Variants in BMP6 observed in about 807,000 individuals in gnomAD.
BMP6 encodes bone morphogenetic protein 6.
In BMP6, 17 loss-of-function variants were observed where a neutral mutation model predicts 54.1. The observed-to-expected ratio is 0.31, with a 90% CI of 0.22 to 0.47. The LOEUF (loss-of-function observed/expected upper bound fraction) is 0.47, where lower values mean the gene tolerates loss of function less well. Ranked by LOEUF, BMP6 falls within the 20% of genes least tolerant of loss-of-function variation. The probability of loss-of-function intolerance (pLI) is 1.00; values close to 1 mark genes in which losing one functional copy is unlikely to be tolerated. For synonymous variants in BMP6, 328 were observed against 291.2 expected, an observed-to-expected ratio of 1.13 and a Z score of -1.28; for missense variants, 720 against 690.4, an observed-to-expected ratio of 1.04 and a Z score of -0.48.
chr6:7,763,272 C>A (rs270375), intron 1 of BMP6, among the ~76,000 whole-genome samples: 2 of 151,906 alleles, frequency 1.3e-5, no homozygotes, highest in African/African-American at 4.8e-5. Flanking sequence ...GCACAACATA[C>A]CCCTTTACTT....
At position 7,787,404 on chromosome 6, in the gene BMP6, T is replaced by A. The variant is rs1488172320; in HGVS notation, c.665-57736T>A. Among the ~76,000 whole-genome samples, 5 of 152,224 alleles carry A rather than the reference T, an allele frequency of 3.3e-5. No individual in the cohort carries two copies. In the East Asian group the frequency reaches 9.6e-4, roughly 29 times the overall value. On this transcript the variant is annotated intron_variant, in intron 1 of 6. Transcript: ENST00000283147. ...TGAAAACAATCCTTAAAGGCGTGTT[T>A]GGCCAGCTCTCAAAAATCTTAGACA...
chr6:7,774,703 C>T (rs998528217), intron 1 of BMP6, among the ~76,000 whole-genome samples: 15 of 151,940 alleles, frequency 9.9e-5, no homozygotes, highest in Non-Finnish European at 7.4e-5. Flanking sequence ...AGTGAGACTC[C>T]GTCAAAAAAA....
intron 1 of BMP6, among the ~76,000 whole-genome samples, chr6:7,764,834 A>G (rs1247157253): frequency 1.3e-5 from 2 of 152,176 alleles, no homozygotes; most frequent in Non-Finnish European, 2.9e-5. Context: ...TAGCTGATGC[A>G]GGACGAGGCC....
At chr6:7,855,547 C>CTT (rs1759212513) in intron 2 of BMP6, among the ~76,000 whole-genome samples, 1 of 114,216 alleles carries the variant, frequency 8.8e-6, no homozygotes, top group Non-Finnish European at 1.8e-5. Flanking sequence ...ATCTCTCTCT[C>CTT]TCTCTCTTTT....
intron 4 of BMP6, among the ~76,000 whole-genome samples, chr6:7,870,844 G>T (rs928464863): frequency 1.3e-5 from 2 of 152,194 alleles, no homozygotes; most frequent in Admixed American, 6.5e-5. Flanking sequence ...GGTCAGGCTG[G>T]TCTCAAACTC....
intron 1 of BMP6, among the ~76,000 whole-genome samples, chr6:7,772,378 C>T (rs1316547039): frequency 6.6e-6 from 1 of 152,150 alleles, no homozygotes; most frequent in Non-Finnish European, 1.5e-5. Flanking sequence ...CTTAAAGGCC[C>T]ACGGCCCAAT....
At chr6:7,875,402 A>G (rs1237088) in intron 4 of BMP6, among the ~76,000 whole-genome samples, 55,095 of 151,986 alleles carry the variant, frequency 0.36, 11,051 homozygotes, top group East Asian at 0.64. Context: ...CAGTTGCCAG[A>G]CTCAGTAGCT....
chr6:7,853,140 C>G (rs1416261005), intron 2 of BMP6, among the ~76,000 whole-genome samples: 1 of 152,000 alleles, frequency 6.6e-6, no homozygotes, highest in Non-Finnish European at 1.5e-5. Context: ...TTCCTTTCTC[C>G]CTGAGGTCTT....
chr6:7,730,926 C>T (rs1252218316), intron 1 of BMP6, among the ~76,000 whole-genome samples: 4 of 152,160 alleles, frequency 2.6e-5, no homozygotes, highest in East Asian at 1.9e-4. Context: ...TGTAAACATC[C>T]GACTTCCCTG....
intron 1 of BMP6, among the ~76,000 whole-genome samples, chr6:7,838,561 A>T (rs1758913885): frequency 6.6e-6 from 1 of 152,192 alleles, no homozygotes; most frequent in African/African-American, 2.4e-5. Context: ...AATAGTACCG[A>T]ACTGGACTCC....
chr6:7,770,074 TA>T (rs1325308407), intron 1 of BMP6, among the ~76,000 whole-genome samples: 2 of 152,132 alleles, frequency 1.3e-5, no homozygotes, highest in African/African-American at 4.8e-5. Context: ...GCCCCCTTTT[TA>T]AATGCTGCTT....
At chr6:7,820,223 C>T (rs1211016551) in intron 1 of BMP6, among the ~76,000 whole-genome samples, 1 of 152,146 alleles carries the variant, frequency 6.6e-6, no homozygotes, top group Non-Finnish European at 1.5e-5. Flanking sequence ...TCACCCCATA[C>T]ATGTGATTTT....
chr6:7,853,153 C>A (rs903181449), intron 2 of BMP6, among the ~76,000 whole-genome samples: 1 of 152,088 alleles, frequency 6.6e-6, no homozygotes, highest in Non-Finnish European at 1.5e-5. Flanking sequence ...GAGGTCTTGA[C>A]CCATCTAGTG....
intron 1 of BMP6, among the ~76,000 whole-genome samples, chr6:7,810,379 C>G (rs923319271): frequency 6.6e-6 from 1 of 152,200 alleles, no homozygotes; most frequent in African/African-American, 2.4e-5. Flanking sequence ...CACTGAGGCC[C>G]AGTAATCTTA....
At chr6:7,858,085 G>A (rs1175716535) in intron 2 of BMP6, among the ~76,000 whole-genome samples, 5 of 151,914 alleles carry the variant, frequency 3.3e-5, no homozygotes, top group African/African-American at 1.2e-4. Flanking sequence ...ACTGGTGATC[G>A]ATTTATTTAT....
intron 1 of BMP6, among the ~76,000 whole-genome samples, chr6:7,755,575 A>G (rs1190721733): frequency 6.6e-6 from 1 of 152,192 alleles, no homozygotes; most frequent in African/African-American, 2.4e-5. Flanking sequence ...CACGTTTTAA[A>G]TAAATTAAAA....
intron 1 of BMP6, among the ~76,000 whole-genome samples, chr6:7,741,888 T>G (rs1027181508): frequency 6.6e-6 from 1 of 152,228 alleles, no homozygotes; most frequent in African/African-American, 2.4e-5. Context: ...CTGATTCCTA[T>G]CCTATTAAAA....
At chr6:7,773,294 G>A (rs1025548740) in intron 1 of BMP6, among the ~76,000 whole-genome samples, 43 of 152,174 alleles carry the variant, frequency 2.8e-4, no homozygotes, top group Admixed American at 2.0e-3. Flanking sequence ...AGATTATGCC[G>A]TTTTAGGCAA....
chr6:7,862,852 T>TA (rs1442084859), intron 4 of BMP6, among the ~76,000 whole-genome samples: 1 of 152,154 alleles, frequency 6.6e-6, no homozygotes, highest in Non-Finnish European at 1.5e-5. Flanking sequence ...GCTGGGGGGT[T>TA]ATGATGTGCA....
Sources: allele counts gnomAD v4.1 joint callset (sites outside exome capture counted in the v4.1 genomes callset), GRCh38; gene constraint gnomAD v4.1.1; transcripts MANE v1.5; gene names NCBI Gene and HGNC (gene_info 2026-07-23, HGNC 2026-07-21).